Variants in SAMD4A observed in about 807,000 individuals in gnomAD.
The protein encoded by SAMD4A is sterile alpha motif domain containing 4A.
A neutral mutation model predicts 81.3 loss-of-function variants in SAMD4A; 33 were observed. The ratio of observed to expected loss-of-function variants is 0.41; its 90% CI spans 0.31 to 0.54. The LOEUF (loss-of-function observed/expected upper bound fraction) is 0.54, where lower values mean the gene tolerates loss of function less well. SAMD4A is among the 20% of genes least tolerant of loss of function. The pLI, the probability that SAMD4A is intolerant of heterozygous loss-of-function variation, is 0.37. For missense variants in SAMD4A, 854 were observed against 951.1 expected, an observed-to-expected ratio of 0.90 and a Z score of 1.34; for synonymous variants, 389 against 382.1, an observed-to-expected ratio of 1.02 and a Z score of -0.21.
At chr14:54,699,728 T>C (rs990102348) in intron 2 of SAMD4A, among the ~76,000 whole-genome samples, 1 of 152,224 alleles carries the variant, frequency 6.6e-6, no homozygotes. Context: ...TAGAATACCA[T>C]ATATGGCTTA....
At chr14:54,573,378 A>G (rs2033191676) in intron 2 of SAMD4A, among the ~76,000 whole-genome samples, 1 of 152,222 alleles carries the variant, frequency 6.6e-6, no homozygotes, top group Non-Finnish European at 1.5e-5. Context: ...CGAGGACACA[A>G]GATGAGGGTT....
At chr14:54,566,119 G>A (rs189242539), upstream of SAMD4A, among the ~76,000 whole-genome samples, 1,755 of 152,002 alleles carry the variant, frequency 0.012, 10 homozygotes, top group Non-Finnish European at 0.018. Flanking sequence ...AGTCCTCCGC[G>A]AGCCGACACT....
intron 3 of SAMD4A, among the ~76,000 whole-genome samples, chr14:54,709,094 T>C (rs958699467): frequency 1.1e-4 from 16 of 152,056 alleles, no homozygotes; most frequent in African/African-American, 3.4e-4. Flanking sequence ...CTGGGCAACG[T>C]GGTGAAACCA....
At chr14:54,767,643 G>A (rs2038587078) in intron 8 of SAMD4A, among the ~76,000 whole-genome samples, 1 of 152,244 alleles carries the variant, frequency 6.6e-6, no homozygotes, top group African/African-American at 2.4e-5. Context: ...GACTAGGGGT[G>A]CCTGGGCAGT....
At chr14:54,777,924 CATG>C (rs1230463227) in intron 11 of SAMD4A, among the ~76,000 whole-genome samples, 2 of 152,154 alleles carry the variant, frequency 1.3e-5, no homozygotes, top group African/African-American at 4.8e-5. Context: ...TGGGAAGAAA[CATG>C]ATAAAATTTG....
intron 2 of SAMD4A, among the ~76,000 whole-genome samples, chr14:54,631,366 C>G (rs2034900861): frequency 6.6e-6 from 1 of 152,208 alleles, no homozygotes; most frequent in Admixed American, 6.5e-5. Flanking sequence ...AAAGTTGACA[C>G]ATAAAACTAA....
chr14:54,649,907 C>A (rs1371218368), intron 2 of SAMD4A, among the ~76,000 whole-genome samples: 1 of 152,036 alleles, frequency 6.6e-6, no homozygotes, highest in Non-Finnish European at 1.5e-5. Context: ...AATGGCACAT[C>A]TTGGGTTTAT....
chr14:54,670,419 G>C (rs2035855038), intron 2 of SAMD4A, among the ~76,000 whole-genome samples: 1 of 152,180 alleles, frequency 6.6e-6, no homozygotes, highest in Non-Finnish European at 1.5e-5. Context: ...AACTCTTACA[G>C]AAAGCGAAGC....
chr14:54,631,629 C>G (rs1437736518), intron 2 of SAMD4A, among the ~76,000 whole-genome samples: 3 of 152,128 alleles, frequency 2.0e-5, no homozygotes, highest in African/African-American at 4.8e-5. Flanking sequence ...TTTACTGAAT[C>G]AATAATAATT....
At chr14:54,663,542 CTTT>C (rs879888558) in intron 2 of SAMD4A, among the ~76,000 whole-genome samples, 1 of 152,174 alleles carries the variant, frequency 6.6e-6, no homozygotes, top group South Asian at 2.1e-4. Context: ...AGCTTGACTA[CTTT>C]TTTTTCTGTC....
At position 54,783,168 on chromosome 14, in the gene SAMD4A, A is replaced by C. The variant is rs201866674; in HGVS notation, c.2045-1369A>C. On this transcript the variant is annotated intron_variant, in intron 11 of 12. Coordinates refer to ENST00000554335, the MANE Select transcript of SAMD4A (RefSeq NM_015589.6). ...GTGTCACAAAACTTTAAAAAAAAAA[A>C]AAAAAACAAAAAGGATTTCACAACT... 9.7e-3 allele frequency among the ~76,000 whole-genome samples: 1,473 copies of C among 151,992 alleles called. 55 individuals carry two copies. The East Asian group carries it at 0.1, about 11-fold the overall frequency.
intron 3 of SAMD4A, among the ~76,000 whole-genome samples, chr14:54,723,206 G>A (rs1489692468): frequency 6.6e-6 from 1 of 151,994 alleles, no homozygotes; most frequent in East Asian, 1.9e-4. Flanking sequence ...GTAGATGCTT[G>A]CCTACCCTGC....
chr14:54,613,452 T>A (rs1202639019), intron 2 of SAMD4A, among the ~76,000 whole-genome samples: 2 of 152,306 alleles, frequency 1.3e-5, no homozygotes, highest in African/African-American at 4.8e-5. Flanking sequence ...CCTGATGTAA[T>A]AAAAATATCT....
intron 2 of SAMD4A, among the ~76,000 whole-genome samples, chr14:54,633,428 A>G (rs2034951080): frequency 6.6e-6 from 1 of 152,204 alleles, no homozygotes; most frequent in Admixed American, 6.5e-5. Context: ...ATTGTGTTCT[A>G]GGTGCAATGG....
At chr14:54,691,124 G>A (rs1247882080) in intron 2 of SAMD4A, among the ~76,000 whole-genome samples, 1 of 152,154 alleles carries the variant, frequency 6.6e-6, no homozygotes, top group East Asian at 1.9e-4. Context: ...CTCTGCGTCT[G>A]CTCCTCTCCG....
At chr14:54,758,839 A>G (rs868370910) in intron 6 of SAMD4A, among the ~76,000 whole-genome samples, 1 of 152,180 alleles carries the variant, frequency 6.6e-6, no homozygotes, top group African/African-American at 2.4e-5. Flanking sequence ...CCAAAAAAAA[A>G]AAAATTAAAT....
intron 2 of SAMD4A, among the ~76,000 whole-genome samples, chr14:54,625,221 T>A (rs2034716379): frequency 6.6e-6 from 1 of 152,242 alleles, no homozygotes; most frequent in African/African-American, 2.4e-5. Context: ...TATAAATATT[T>A]CTGTAGACTT....
intron 2 of SAMD4A, among the ~76,000 whole-genome samples, chr14:54,595,457 T>A (rs948816993): frequency 6.7e-6 from 1 of 148,772 alleles, no homozygotes; most frequent in East Asian, 1.9e-4. Context: ...AAATATATAC[T>A]GTATGTATAT....
chr14:54,592,839 G>A (rs183151004), intron 2 of SAMD4A, among the ~76,000 whole-genome samples: 7 of 152,208 alleles, frequency 4.6e-5, no homozygotes, highest in African/African-American at 1.7e-4. Flanking sequence ...GCCACGCATT[G>A]CCTCTTATTT....
Sources: allele counts gnomAD v4.1 joint callset (sites outside exome capture counted in the v4.1 genomes callset), GRCh38; gene constraint gnomAD v4.1.1; transcripts MANE v1.5; gene names NCBI Gene and HGNC (gene_info 2026-07-23, HGNC 2026-07-21).